Variants in TMEM272 observed in about 807,000 individuals in gnomAD.
TMEM272 encodes the protein transmembrane protein 272.
Under a neutral mutation model 3.7 loss-of-function variants are expected in TMEM272, and 8 were observed. That is an observed-to-expected ratio of 2.17 (90% CI 1.27 to 3.91). TMEM272 has a LOEUF of 3.91. TMEM272 is among the 30% of genes most tolerant of loss of function. TMEM272 has a pLI of 0.00. For synonymous variants in TMEM272, 63 were observed against 39.8 expected (o/e 1.58, Z -2.20); for missense variants, 166 against 91.5 (o/e 1.81, Z -3.32).
the TMEM272 span, among the ~76,000 whole-genome samples, chr13:51,891,926 C>G: frequency 6.6e-6 from 1 of 152,090 alleles, no homozygotes; most frequent in Non-Finnish European, 1.5e-5. Flanking sequence ...TTTGTAAGGT[C>G]AATGATTTTT....
At chr13:51,916,801 T>C in the TMEM272 span, among the ~76,000 whole-genome samples, 168 of 152,298 alleles carry the variant, frequency 1.1e-3, no homozygotes, top group African/African-American at 3.9e-3. Flanking sequence ...AACACACTCT[T>C]TCCCCCTTCA....
At chr13:51,923,523 A>G in the TMEM272 span, among the ~76,000 whole-genome samples, 1 of 152,134 alleles carries the variant, frequency 6.6e-6, no homozygotes, top group South Asian at 2.1e-4. Flanking sequence ...CACATCTCAC[A>G]GTGGAAAGTG....
intron 4 of TMEM272, among the ~76,000 whole-genome samples, chr13:51,818,328 C>T (rs1956051978): frequency 6.6e-6 from 1 of 152,182 alleles, no homozygotes; most frequent in South Asian, 2.1e-4. Flanking sequence ...GAACAGCGAA[C>T]CCCAAGCTGT....
At chr13:51,884,927 C>A in the TMEM272 span, among the ~76,000 whole-genome samples, 1 of 152,288 alleles carries the variant, frequency 6.6e-6, no homozygotes, top group Non-Finnish European at 1.5e-5. Flanking sequence ...ATAGCTAGTC[C>A]ATAGGGCTGG....
At chr13:51,896,321 G>T in the TMEM272 span, among the ~76,000 whole-genome samples, 1 of 150,830 alleles carries the variant, frequency 6.6e-6, no homozygotes, top group Non-Finnish European at 1.5e-5. Flanking sequence ...AGAGGGGTGT[G>T]TGTGTGTATG....
At chr13:51,847,365 A>T (rs1344012721), upstream of TMEM272, among the ~76,000 whole-genome samples, 2 of 152,182 alleles carry the variant, frequency 1.3e-5, no homozygotes, top group Non-Finnish European at 2.9e-5. Context: ...TGCATGCCAG[A>T]AATCTAGGTT....
chr13:51,860,307 T>C, the TMEM272 span, among the ~76,000 whole-genome samples: 1 of 152,248 alleles, frequency 6.6e-6, no homozygotes, highest in African/African-American at 2.4e-5. Flanking sequence ...CTATTACAAA[T>C]GTAGTTAAAG....
the TMEM272 span, among the ~76,000 whole-genome samples, chr13:51,863,634 C>T: frequency 6.6e-6 from 1 of 151,670 alleles, no homozygotes; most frequent in Non-Finnish European, 1.5e-5. Context: ...CAGCTGTCCA[C>T]AGCCTAGCCA....
the TMEM272 span, among the ~76,000 whole-genome samples, chr13:51,865,178 C>G: frequency 6.6e-6 from 1 of 152,202 alleles, no homozygotes; most frequent in African/African-American, 2.4e-5. Context: ...CCATGACCAC[C>G]CCACATGTTT....
At chr13:51,882,685 G>C in the TMEM272 span, among the ~76,000 whole-genome samples, 146,873 of 151,986 alleles carry the variant, frequency 0.97, 70,985 homozygotes, top group East Asian at 1. Context: ...GTTCTATCTA[G>C]TCTGTAAAAG....
the TMEM272 span, among the ~76,000 whole-genome samples, chr13:51,896,183 T>G: frequency 1.3e-5 from 2 of 152,220 alleles, no homozygotes; most frequent in East Asian, 3.8e-4. Context: ...GTGGGAAATG[T>G]AACTCTCAGC....
At chr13:51,875,254 C>A in the TMEM272 span, among the ~76,000 whole-genome samples, 1 of 152,136 alleles carries the variant, frequency 6.6e-6, no homozygotes, top group African/African-American at 2.4e-5. Context: ...GCATAGGGAG[C>A]CCAAGGTCAC....
chr13:51,919,440 T>C, the TMEM272 span, among the ~76,000 whole-genome samples: 73 of 152,158 alleles, frequency 4.8e-4, no homozygotes, highest in Admixed American at 1.2e-3. Context: ...TTGCTCCCCA[T>C]AGGAAACCAC....
chr13:51,865,400 C>A, the TMEM272 span: 1 of 1,600,942 alleles, frequency 6.2e-7, no homozygotes. Context: ...GCCATTCCGG[C>A]TGATAAGGAA....
chr13:51,909,547 G>A, the TMEM272 span: 27 of 1,075,964 alleles, frequency 2.5e-5, no homozygotes, highest in East Asian at 9.7e-5. Flanking sequence ...TGCTTGTTCC[G>A]TCTGAAGATT....
the TMEM272 span, among the ~76,000 whole-genome samples, chr13:51,895,526 G>A: frequency 6.6e-6 from 1 of 152,096 alleles, no homozygotes; most frequent in African/African-American, 2.4e-5. Flanking sequence ...GTGGGAAGGT[G>A]CAGAGGGGTG....
intron 2 of TMEM272, among the ~76,000 whole-genome samples, chr13:51,831,363 G>A (rs753716780): frequency 6.6e-6 from 1 of 152,142 alleles, no homozygotes; most frequent in African/African-American, 2.4e-5. Context: ...GTTCAAGTCT[G>A]TAGTGAACCA....
intron 3 of TMEM272, among the ~76,000 whole-genome samples, chr13:51,825,150 C>T (rs2139559864): frequency 6.6e-6 from 1 of 152,332 alleles, no homozygotes; most frequent in African/African-American, 2.4e-5. Context: ...CTGTAATAAT[C>T]ACAGCACCAG....
intron 2 of TMEM272, among the ~76,000 whole-genome samples, chr13:51,827,011 A>T (rs1051589700): frequency 7.9e-5 from 12 of 152,224 alleles, no homozygotes; most frequent in African/African-American, 2.9e-4. Context: ...GCCTGTACTC[A>T]GGGCAGATGG....
Sources: gnomAD v4.1 joint callset for allele counts (sites outside exome capture counted in the v4.1 genomes callset) on GRCh38, gnomAD v4.1.1 for gene constraint, MANE v1.5 for transcripts, NCBI Gene and HGNC (gene_info 2026-07-23, HGNC 2026-07-21) for gene names.